Variants in SLIT3 observed in about 807,000 individuals in gnomAD.
SLIT3 encodes the protein slit guidance ligand 3.
In SLIT3, 68 loss-of-function variants were observed where a neutral mutation model predicts 184.0. That is an observed-to-expected ratio of 0.37 (90% confidence interval 0.30 to 0.45). SLIT3 has a LOEUF of 0.45. Among genes scored for constraint, SLIT3 ranks in the 20% least tolerant of loss-of-function variants. The pLI is 1.00. For missense variants in SLIT3, 1,707 were observed against 2,026.0 expected (o/e 0.84, Z 3.02); for synonymous variants, 831 against 828.6 (o/e 1.00, Z -0.05).
chr5:169,062,979 T>C (rs1454271102), intron 4 of SLIT3, among the ~76,000 whole-genome samples: 2 of 152,256 alleles, frequency 1.3e-5, no homozygotes, highest in East Asian at 3.8e-4. Flanking sequence ...TTTTCTAAGA[T>C]GTTTCTCACA....
intron 4 of SLIT3, among the ~76,000 whole-genome samples, chr5:168,906,015 C>A (rs1465433382): frequency 6.6e-6 from 1 of 152,142 alleles, no homozygotes; most frequent in African/African-American, 2.4e-5. Flanking sequence ...AACAGCAAGT[C>A]CTGAACTCTA....
At chr5:168,944,256 G>A (rs917783417) in intron 4 of SLIT3, among the ~76,000 whole-genome samples, 5 of 152,150 alleles carry the variant, frequency 3.3e-5, no homozygotes, top group African/African-American at 1.2e-4. Context: ...ATGGGGCGGG[G>A]AGAGTCAGAT....
At chr5:168,872,640 C>CTTTTTTTTTTTTTTTTTTTTTTCTTTTT (rs774066150) in intron 5 of SLIT3, among the ~76,000 whole-genome samples, 1 of 112,430 alleles carries the variant, frequency 8.9e-6, no homozygotes, top group African/African-American at 3.5e-5. Context: ...TCTTCTTCTT[C>CTTTTTTTTTTTTTTTTTTTTTTCTTTTT]TTTTTTTTTT....
At chr5:169,026,584 T>G (rs1313580245) in intron 4 of SLIT3, 1 of 145,926 alleles carries the variant, frequency 6.9e-6, no homozygotes, top group African/African-American at 2.8e-5. Flanking sequence ...TGATGTATTG[T>G]TAGCAAAAAA....
At chr5:169,175,665 A>G (rs1402611157) in intron 4 of SLIT3, among the ~76,000 whole-genome samples, 2 of 152,140 alleles carry the variant, frequency 1.3e-5, no homozygotes, top group Admixed American at 6.5e-5. Context: ...TCACAGCCTA[A>G]TGACTATTTT....
At chr5:169,038,399 T>C (rs1757330384) in intron 4 of SLIT3, among the ~76,000 whole-genome samples, 1 of 152,252 alleles carries the variant, frequency 6.6e-6, no homozygotes, top group Non-Finnish European at 1.5e-5. Context: ...CAAATACTGG[T>C]ATATGCACAT....
At chr5:169,240,579 C>CTTTTTTTTTTTTTT (rs67955225) in intron 3 of SLIT3, among the ~76,000 whole-genome samples, 6 of 114,346 alleles carry the variant, frequency 5.2e-5, no homozygotes, top group African/African-American at 1.4e-4. Context: ...CTATCATTTT[C>CTTTTTTTTTTTTTT]TTTTTTTTTT....
chr5:169,134,072 T>C (rs768043411), intron 4 of SLIT3, among the ~76,000 whole-genome samples: 12 of 152,236 alleles, frequency 7.9e-5, no homozygotes, highest in Non-Finnish European at 1.8e-4. Context: ...CTTTGGGCCA[T>C]TGCAAAGGCA....
intron 32 of SLIT3, among the ~76,000 whole-genome samples, chr5:168,683,456 T>C (rs1761652512): frequency 6.6e-6 from 1 of 151,270 alleles, no homozygotes; most frequent in African/African-American, 2.4e-5. Flanking sequence ...GCCACACCCA[T>C]CACACACAAG....
At chr5:168,949,251 T>C (rs1010907461) in intron 4 of SLIT3, among the ~76,000 whole-genome samples, 1 of 152,212 alleles carries the variant, frequency 6.6e-6, no homozygotes, top group Non-Finnish European at 1.5e-5. Context: ...TAAGTGTCAC[T>C]GAGCATGGGC....
At chr5:168,668,851 C>T (rs926932811) in intron 35 of SLIT3, among the ~76,000 whole-genome samples, 20 of 152,230 alleles carry the variant, frequency 1.3e-4, no homozygotes, top group African/African-American at 4.6e-4. Flanking sequence ...CTGACTGTAA[C>T]CTCCGCCTCC....
intron 16 of SLIT3, among the ~76,000 whole-genome samples, chr5:168,755,434 T>TTTTTCTTTCTTTCTTTC (rs1754900007): frequency 7.2e-6 from 1 of 138,984 alleles, no homozygotes; most frequent in East Asian, 2.3e-4. Context: ...TCTTTCTTTC[T>TTTTTCTTTCTTTCTTTC]TTCTTTCTTT....
chr5:168,836,777 A>T (rs1758067272), intron 6 of SLIT3, among the ~76,000 whole-genome samples: 2 of 152,156 alleles, frequency 1.3e-5, no homozygotes, highest in Admixed American at 1.3e-4. Context: ...GCTGATCAAA[A>T]ACAATTCAAT....
chr5:169,019,513 C>A (rs1756518032), intron 4 of SLIT3, among the ~76,000 whole-genome samples: 1 of 152,202 alleles, frequency 6.6e-6, no homozygotes, highest in South Asian at 2.1e-4. Flanking sequence ...AGGTCAGCGG[C>A]TTTGCATATG....
At chr5:169,155,438 A>G (rs1339528220) in intron 4 of SLIT3, among the ~76,000 whole-genome samples, 1 of 152,210 alleles carries the variant, frequency 6.6e-6, no homozygotes, top group Non-Finnish European at 1.5e-5. Flanking sequence ...CCACTGCCCC[A>G]CAAGCTGCTA....
intron 23 of SLIT3, among the ~76,000 whole-genome samples, chr5:168,721,303 G>A (rs1184087004): frequency 1.3e-5 from 2 of 152,172 alleles, no homozygotes; most frequent in African/African-American, 4.8e-5. Flanking sequence ...GCCCAGGATT[G>A]GGGGTGGTGG....
At chr5:169,067,635 C>T (rs180829700) in intron 4 of SLIT3, among the ~76,000 whole-genome samples, 2 of 152,242 alleles carry the variant, frequency 1.3e-5, no homozygotes, top group East Asian at 3.9e-4. Flanking sequence ...TGACTTATGC[C>T]GTGACTAGTG....
At chr5:168,950,154 G>C (rs1762605784) in intron 4 of SLIT3, among the ~76,000 whole-genome samples, 1 of 150,332 alleles carries the variant, frequency 6.7e-6, no homozygotes, top group African/African-American at 2.4e-5. Context: ...AGGGAGGAAT[G>C]CTCATGAATG....
chr5:168,858,266 A>C (rs987150233), intron 5 of SLIT3, among the ~76,000 whole-genome samples: 1 of 152,062 alleles, frequency 6.6e-6, no homozygotes, highest in African/African-American at 2.4e-5. Context: ...TGGGACATGC[A>C]AGGGCAGAGA....
Sources: gnomAD v4.1 joint callset for allele counts (sites outside exome capture counted in the v4.1 genomes callset) on GRCh38, gnomAD v4.1.1 for gene constraint, MANE v1.5 for transcripts, NCBI Gene and HGNC (gene_info 2026-07-23, HGNC 2026-07-21) for gene names.